SGMS1: variants seen among roughly 807,000 people sequenced by gnomAD.
SGMS1 encodes the protein sphingomyelin synthase 1.
In SGMS1, 13 loss-of-function variants were observed where a neutral mutation model predicts 46.2. The ratio of observed to expected loss-of-function variants is 0.28; its 90% CI spans 0.18 to 0.45. SGMS1 has a LOEUF of 0.45. Ranked by LOEUF, SGMS1 falls within the 20% of genes least tolerant of loss-of-function variation. The pLI, the probability that SGMS1 is intolerant of heterozygous loss-of-function variation, is 1.00. For synonymous variants in SGMS1, 203 were observed against 187.8 expected, an observed-to-expected ratio of 1.08 and a Z score of -0.66; for missense variants, 324 against 519.9, an observed-to-expected ratio of 0.62 and a Z score of 3.66.
chr10:50,432,838 A>G (rs1418405864), intron 6 of SGMS1, among the ~76,000 whole-genome samples: 1 of 152,224 alleles, frequency 6.6e-6, no homozygotes, highest in Non-Finnish European at 1.5e-5. Flanking sequence ...CACAAGAGCA[A>G]GAGTGAGGCC....
intron 2 of SGMS1, among the ~76,000 whole-genome samples, chr10:50,558,934 A>C (rs1258576452): frequency 6.6e-6 from 1 of 152,172 alleles, no homozygotes; most frequent in East Asian, 1.9e-4. Context: ...AGAGTAGGCT[A>C]TAAGTAGTTA....
intron 5 of SGMS1, chr10:50,460,162 C>T (rs981842853): frequency 5.9e-5 from 9 of 151,974 alleles, no homozygotes; most frequent in Non-Finnish European, 1.2e-4. Context: ...GCTAAAAAAA[C>T]AAGAAAATGA....
At chr10:50,468,513 A>G (rs1364139414) in intron 3 of SGMS1, among the ~76,000 whole-genome samples, 1 of 152,236 alleles carries the variant, frequency 6.6e-6, no homozygotes, top group Non-Finnish European at 1.5e-5. Flanking sequence ...ACTAAATTTC[A>G]TAAGGGATAA....
At chr10:50,437,800 A>G (rs1303064437) in intron 5 of SGMS1, among the ~76,000 whole-genome samples, 1 of 152,236 alleles carries the variant, frequency 6.6e-6, no homozygotes, top group Non-Finnish European at 1.5e-5. Context: ...TAATCAGAAG[A>G]CACAAAAGCT....
At chr10:50,533,594 A>G (rs536510391) in intron 2 of SGMS1, among the ~76,000 whole-genome samples, 10 of 152,288 alleles carry the variant, frequency 6.6e-5, no homozygotes, top group Admixed American at 1.3e-4. Context: ...TCAATTGTTT[A>G]CATACGATGT....
intron 2 of SGMS1, among the ~76,000 whole-genome samples, chr10:50,563,684 A>T (rs903715797): frequency 7.3e-6 from 1 of 137,082 alleles, no homozygotes; most frequent in Non-Finnish European, 1.5e-5. Context: ...CGGAGCTTGC[A>T]GTGAGCCGAG....
intron 6 of SGMS1, among the ~76,000 whole-genome samples, chr10:50,382,666 T>A (rs1309533349): frequency 6.7e-6 from 1 of 149,614 alleles, no homozygotes; most frequent in Non-Finnish European, 1.5e-5. Flanking sequence ...TAAACAGCAA[T>A]GGAGAGGAGG....
rs148039532 is a variant in SGMS1, at chr10:50,509,695, T to C, written c.-498+10136A>G. On this transcript the variant is annotated intron_variant, in intron 3 of 10. Coordinates refer to ENST00000361781, the MANE Select transcript of SGMS1 (RefSeq NM_147156.4). ...AAGATCATTAGAGCATCCACCTCTATAGTAATAGCTATTTCCATCACCCAA... is the reference window on the plus strand; with the variant it reads ...AAGATCATTAGAGCATCCACCTCTACAGTAATAGCTATTTCCATCACCCAA... Among the ~76,000 whole-genome samples the C allele has an allele frequency of 8.4e-3, 1,278 of 152,330 alleles. 12 individuals carry two copies. Among genetic ancestry groups the C allele is most frequent in the Non-Finnish European group, 0.012 (839 of 68,024 alleles).
At chr10:50,410,229 T>C (rs1419880261) in intron 6 of SGMS1, among the ~76,000 whole-genome samples, 11 of 152,050 alleles carry the variant, frequency 7.2e-5, no homozygotes, top group Admixed American at 7.2e-4. Context: ...AAAAAGATAA[T>C]AATATTATGA....
At chr10:50,398,821 C>A (rs1248523370) in intron 6 of SGMS1, among the ~76,000 whole-genome samples, 2 of 151,822 alleles carry the variant, frequency 1.3e-5, no homozygotes, top group African/African-American at 2.4e-5. Flanking sequence ...TATTATTATT[C>A]AAGACAGTAC....
intron 2 of SGMS1, among the ~76,000 whole-genome samples, chr10:50,566,257 G>A (rs1296509796): frequency 2.6e-5 from 4 of 152,040 alleles, no homozygotes; most frequent in Non-Finnish European, 5.9e-5. Flanking sequence ...TACTGCAAAA[G>A]TAAAATTCAA....
intron 8 of SGMS1, among the ~76,000 whole-genome samples, chr10:50,312,169 T>C (rs866216316): frequency 6.6e-6 from 1 of 152,134 alleles, no homozygotes; most frequent in African/African-American, 2.4e-5. Context: ...ATTACCATGA[T>C]CCAATTTAAT....
intron 6 of SGMS1, among the ~76,000 whole-genome samples, chr10:50,362,030 T>G (rs1400703083): frequency 6.6e-6 from 1 of 152,184 alleles, no homozygotes; most frequent in Non-Finnish European, 1.5e-5. Context: ...TCCTTTGTCC[T>G]TTCATTTGCT....
chr10:50,494,226 C>T (rs919139190), intron 3 of SGMS1, among the ~76,000 whole-genome samples: 2 of 152,182 alleles, frequency 1.3e-5, no homozygotes. Flanking sequence ...GTGTTGACTC[C>T]TCAAAGACCT....
At chr10:50,487,341 G>A (rs1196511814) in intron 3 of SGMS1, among the ~76,000 whole-genome samples, 2 of 152,180 alleles carry the variant, frequency 1.3e-5, no homozygotes, top group Admixed American at 6.5e-5. Flanking sequence ...AGGGGAAGGG[G>A]GTGGAGGGAG....
intron 2 of SGMS1, among the ~76,000 whole-genome samples, chr10:50,526,431 G>A (rs768211198): frequency 9.2e-5 from 14 of 152,092 alleles, no homozygotes; most frequent in Non-Finnish European, 1.8e-4. Context: ...AAATCAACAC[G>A]AGATTTGGGT....
At chr10:50,456,485 C>G (rs570581846) in intron 5 of SGMS1, among the ~76,000 whole-genome samples, 1 of 152,186 alleles carries the variant, frequency 6.6e-6, no homozygotes, top group Non-Finnish European at 1.5e-5. Flanking sequence ...CCTAGCTTCA[C>G]AGGAGCCTTT....
chr10:50,451,668 A>G (rs1837111622), intron 5 of SGMS1, among the ~76,000 whole-genome samples: 1 of 152,172 alleles, frequency 6.6e-6, no homozygotes, highest in Non-Finnish European at 1.5e-5. Context: ...ATTCTGAAGA[A>G]AAAAAACTAA....
At chr10:50,557,458 A>C (rs1380304489) in intron 2 of SGMS1, among the ~76,000 whole-genome samples, 7 of 152,310 alleles carry the variant, frequency 4.6e-5, no homozygotes, top group South Asian at 2.1e-4. Context: ...AGTACTGCCC[A>C]CTAAATATTT....
Sources: allele counts gnomAD v4.1 joint callset (sites outside exome capture counted in the v4.1 genomes callset), GRCh38; gene constraint gnomAD v4.1.1; transcripts MANE v1.5; gene names NCBI Gene and HGNC (gene_info 2026-07-23, HGNC 2026-07-21).